The following RAB11FIP3 variants were observed in gnomAD, a reference collection of about 807,000 sequenced individuals.
RAB11FIP3 encodes the protein RAB11 family interacting protein 3.
In RAB11FIP3, 17 loss-of-function variants were observed where a neutral mutation model predicts 77.8. That is an observed-to-expected ratio of 0.22 (90% CI 0.15 to 0.33). The LOEUF (loss-of-function observed/expected upper bound fraction) is 0.33. Among genes scored for constraint, RAB11FIP3 ranks in the 10% least tolerant of loss-of-function variants. The pLI is 1.00. For missense variants in RAB11FIP3, 1,005 were observed against 1,011.2 expected, an observed-to-expected ratio of 0.99 and a Z score of 0.08; for synonymous variants, 437 against 448.2, an observed-to-expected ratio of 0.98 and a Z score of 0.31.
chr16:481,840 A>G (rs75098503), intron 3 of RAB11FIP3, among the ~76,000 whole-genome samples: 86 of 70,906 alleles, frequency 1.2e-3, no homozygotes, highest in African/African-American at 3.9e-3. Flanking sequence ...AGGTGCCACC[A>G]CACCTGGGCA....
chr16:517,561 T>C (rs1051436544), intron 9 of RAB11FIP3, among the ~76,000 whole-genome samples: 2 of 151,880 alleles, frequency 1.3e-5, no homozygotes, highest in African/African-American at 4.8e-5. Flanking sequence ...AGACCCTCTC[T>C]CAAAAAACCA....
chr16:476,360 G>A (rs1422114423), intron 3 of RAB11FIP3, among the ~76,000 whole-genome samples: 2 of 152,126 alleles, frequency 1.3e-5, no homozygotes, highest in East Asian at 3.9e-4. Flanking sequence ...GCTCTAAGGC[G>A]GCACTGGCTT....
chr16:430,840 A>G (rs1458006029), intron 1 of RAB11FIP3, among the ~76,000 whole-genome samples: 1 of 152,234 alleles, frequency 6.6e-6, no homozygotes, highest in East Asian at 1.9e-4. Context: ...TAAAAATACA[A>G]ACATTTTTAA....
intron 3 of RAB11FIP3, among the ~76,000 whole-genome samples, chr16:474,619 G>A (rs943180547): frequency 6.6e-6 from 1 of 152,120 alleles, no homozygotes; most frequent in Admixed American, 6.5e-5. Context: ...GTCGGGCCGC[G>A]CTCTCTCCCG....
intron 9 of RAB11FIP3, 89 bp from the exon 10 acceptor site, chr16:518,854 C>T: frequency 7.1e-7 from 1 of 1,405,890 alleles, no homozygotes; most frequent in Non-Finnish European, 1.0e-6. Flanking sequence ...CAGGGCGGCC[C>T]CAGCAGGGTT....
intron 1 of RAB11FIP3, among the ~76,000 whole-genome samples, chr16:448,740 A>G (rs1237757467): frequency 1.3e-4 from 4 of 31,008 alleles, no homozygotes; most frequent in African/African-American, 4.8e-4. Flanking sequence ...CGTCTCAAGA[A>G]AAAAAAAAAA....
chr16:483,619 G>A (rs552340389), intron 4 of RAB11FIP3, among the ~76,000 whole-genome samples: 4 of 152,144 alleles, frequency 2.6e-5, no homozygotes, highest in Non-Finnish European at 5.9e-5. Context: ...CTACAGGACT[G>A]TGTCTTGTGG....
rs377530457 is a variant in RAB11FIP3 at position 512,485 on chromosome 16, C to G, written c.1640+1685C>G. Among the ~76,000 whole-genome samples, 430 of 151,778 alleles carry G rather than the reference C, an allele frequency of 2.8e-3. 2 individuals carry two copies. Among genetic ancestry groups the G allele is most frequent in the African/African-American group, 0.01 (416 of 41,388 alleles). On this transcript the variant is annotated intron_variant, in intron 9 of 13. Coordinates refer to ENST00000262305, the MANE Select transcript of RAB11FIP3 (RefSeq NM_014700.4). The stretch of plus-strand genomic sequence containing the variant: ...TTGATCTCCTGACCTCGTGATCCAC[C>G]TGCCTCGGCCTCCCAAAGTGCTGGG...
intron 1 of RAB11FIP3, among the ~76,000 whole-genome samples, chr16:452,669 C>T (rs1327618277): frequency 2.0e-5 from 2 of 101,390 alleles, no homozygotes; most frequent in East Asian, 3.2e-4. Flanking sequence ...CTCCTGACCT[C>T]GTGATCTGCC....
chr16:489,294 C>A (rs1428419672), intron 5 of RAB11FIP3, among the ~76,000 whole-genome samples: 1 of 152,206 alleles, frequency 6.6e-6, no homozygotes, highest in African/African-American at 2.4e-5. Flanking sequence ...TTGCTGTGGG[C>A]CGTGGATCAC....
rs1312233483 is a variant in RAB11FIP3, at chr16:506,244, C to T, written c.1499+617C>T. Among the ~76,000 whole-genome samples, 4 of 149,120 alleles carry T rather than the reference C, an allele frequency of 2.7e-5. No homozygotes were observed. Among genetic ancestry groups the T allele is most frequent in the Non-Finnish European group, 4.5e-5 (3 of 66,840 alleles). ...TTCTCGGTGTTTTTCACACGAGGCA[C>T]GCCATGTTGTCTCATAGCCGATTTG... On this transcript the variant is annotated intron_variant, in intron 8 of 13. Coordinates refer to ENST00000262305, the MANE Select transcript of RAB11FIP3 (RefSeq NM_014700.4). The surrounding 1 kb of genome is among the most constrained non-coding windows in gnomAD (Gnocchi z 4.5).
chr16:466,784 T>G (rs986538107), intron 2 of RAB11FIP3, among the ~76,000 whole-genome samples: 2 of 152,158 alleles, frequency 1.3e-5, no homozygotes, highest in South Asian at 2.1e-4. Flanking sequence ...CCTGGGCCAA[T>G]CCCACAGCAG....
At position 492,455 on chromosome 16, in the gene RAB11FIP3, T is replaced by TCCCGGGAGACCCGAGGCCGTCCAGGGCCC. The variant is rs1567392335; in HGVS notation, c.1265+3455_1265+3456insCCCGGGAGACCCGAGGCCGTCCAGGGCCC. ...GGAGACCCGAGGCCGCCCAGGGCCC[T>TCCCGGGAGACCCGAGGCCGTCCAGGGCCC]TCCCGGGGAGACCCGAGGCCGCCCA... is the stretch of plus-strand genomic sequence containing the variant. On this transcript the variant is annotated intron_variant, in intron 5 of 13. Coordinates refer to ENST00000262305, the MANE Select transcript of RAB11FIP3 (RefSeq NM_014700.4). 3.5e-4 allele frequency among the ~76,000 whole-genome samples: 17 copies of TCCCGGGAGACCCGAGGCCGTCCAGGGCCC among 48,192 alleles called. 2 individuals carry two copies. Among genetic ancestry groups the TCCCGGGAGACCCGAGGCCGTCCAGGGCCC allele is most frequent in the South Asian group, 7.5e-4 (1 of 1,326 alleles). The allele number at this position is 48,192 out of a possible 152,430, so 31.6% of individuals were successfully genotyped here.
intron 2 of RAB11FIP3, among the ~76,000 whole-genome samples, chr16:465,528 A>T (rs918405523): frequency 3.9e-5 from 6 of 152,124 alleles, no homozygotes; most frequent in African/African-American, 1.4e-4. Flanking sequence ...TCTCATGGGG[A>T]CTGTTTGGCA....
chr16:497,435 C>G, intron 6 of RAB11FIP3: 1 of 1,243,296 alleles, frequency 8.0e-7, no homozygotes. Flanking sequence ...CGGGTGGCCT[C>G]TGCTGCCGTC....
In RAB11FIP3 at chr16:522,261, T is replaced by TATATATAC. The variant is rs1159154032; in HGVS notation, c.*1429_*1430insCATATATA. 23 of 147,132 alleles carry TATATATAC rather than the reference T, an allele frequency of 1.6e-4. No individual in the cohort carries two copies. In the East Asian group the frequency reaches 4.2e-3, roughly 27 times the overall value. 9.1% of individuals were successfully genotyped at this position (147,132 alleles called of 1,614,324 possible). Reference sequence around the variant, plus strand: ...TACACATGAAATATATATATATATATATATATATATATGTATAATATATAA... The same window carrying TATATATAC: ...TACACATGAAATATATATATATATATATATATACATATATATATATGTATAATATATAA... On this transcript the variant is annotated 3_prime_UTR_variant, in exon 14 of 14. Coordinates refer to ENST00000262305, the MANE Select transcript of RAB11FIP3 (RefSeq NM_014700.4).
At chr16:487,783 G>A (rs914470403) in intron 4 of RAB11FIP3, among the ~76,000 whole-genome samples, 3 of 152,218 alleles carry the variant, frequency 2.0e-5, no homozygotes, top group African/African-American at 4.8e-5. Context: ...ACTTGGCTGT[G>A]GAGGAGTCAC....
intron 1 of RAB11FIP3, among the ~76,000 whole-genome samples, chr16:439,631 G>A (rs1406957686): frequency 2.0e-5 from 3 of 152,148 alleles, no homozygotes; most frequent in Admixed American, 1.3e-4. Context: ...ATGCACACCC[G>A]TGACACAGCC....
intron 9 of RAB11FIP3, among the ~76,000 whole-genome samples, chr16:512,638 C>T (rs6600226): frequency 2.0e-5 from 3 of 149,544 alleles, no homozygotes; most frequent in East Asian, 2.0e-4. Flanking sequence ...CTGTCTCCTG[C>T]GTTCAAGCAA....
Sources: gnomAD v4.1 joint callset for allele counts (sites outside exome capture counted in the v4.1 genomes callset) on GRCh38, gnomAD v4.1.1 for gene constraint, Gnocchi (gnomAD v3.1) non-coding constraint, MANE v1.5 for transcripts, NCBI Gene and HGNC (gene_info 2026-07-23, HGNC 2026-07-21) for gene names.